Variants in BACH2 observed in about 807,000 individuals in gnomAD.
The protein encoded by BACH2 is BACH transcriptional regulator 2, also known as transcription regulator protein BACH2.
In BACH2, 5 loss-of-function variants were observed where a neutral mutation model predicts 61.8. The observed-to-expected ratio is 0.08, with a 90% confidence interval of 0.04 to 0.17. The LOEUF is 0.17. Among genes scored for constraint, BACH2 ranks in the 10% least tolerant of loss-of-function variants. BACH2 has a pLI of 1.00. For missense variants in BACH2, 824 were observed against 1,091.1 expected, an observed-to-expected ratio of 0.76 and a Z score of 3.45; for synonymous variants, 446 against 440.1, an observed-to-expected ratio of 1.01 and a Z score of -0.17.
chr6:90,064,520 T>G (rs1023914944), intron 5 of BACH2, among the ~76,000 whole-genome samples: 1 of 152,198 alleles, frequency 6.6e-6, no homozygotes, highest in African/African-American at 2.4e-5. Context: ...GTTAGGCTCC[T>G]GAGCAAGGAG....
chr6:90,004,644 G>A (rs1451604315), intron 6 of BACH2, among the ~76,000 whole-genome samples: 2 of 152,114 alleles, frequency 1.3e-5, no homozygotes, highest in African/African-American at 2.4e-5. Context: ...AACTTGACAC[G>A]CCATAAGACT....
At chr6:90,241,007 G>A (rs536080035) in intron 3 of BACH2, among the ~76,000 whole-genome samples, 24 of 151,730 alleles carry the variant, frequency 1.6e-4, no homozygotes, top group Admixed American at 2.6e-4. Context: ...GGTGGCGTGC[G>A]CCTGTAGTCT....
chr6:90,135,473 A>C (rs1208159601), intron 4 of BACH2, among the ~76,000 whole-genome samples: 1 of 152,154 alleles, frequency 6.6e-6, no homozygotes, highest in Non-Finnish European at 1.5e-5. Context: ...CGCACCTGTA[A>C]TCCCGGCACT....
intron 6 of BACH2, among the ~76,000 whole-genome samples, chr6:89,956,964 C>T (rs1584529448): frequency 6.6e-6 from 1 of 152,210 alleles, no homozygotes; most frequent in South Asian, 2.1e-4. Flanking sequence ...TTAATCACAA[C>T]TTCACAAAAA....
At chr6:90,201,815 G>A (rs1239154482) in intron 4 of BACH2, among the ~76,000 whole-genome samples, 6 of 152,168 alleles carry the variant, frequency 3.9e-5, no homozygotes, top group Non-Finnish European at 7.4e-5. Context: ...TCTGCCACAA[G>A]GAGGACCTGG....
At chr6:90,284,330 A>C (rs1014636271) in intron 1 of BACH2, among the ~76,000 whole-genome samples, 1 of 152,198 alleles carries the variant, frequency 6.6e-6, no homozygotes, top group Non-Finnish European at 1.5e-5. Context: ...CAGGTAGCAC[A>C]GTTCTTCCTG....
chr6:90,237,011 C>A (rs887313491), intron 3 of BACH2, among the ~76,000 whole-genome samples: 1 of 152,004 alleles, frequency 6.6e-6, no homozygotes, highest in African/African-American at 2.4e-5. Context: ...GCAACCTCCA[C>A]CTCCCAGGTT....
intron 3 of BACH2, among the ~76,000 whole-genome samples, chr6:90,229,880 A>G (rs1770039522): frequency 6.6e-6 from 1 of 152,202 alleles, no homozygotes; most frequent in South Asian, 2.1e-4. Flanking sequence ...TTGAGAGCCT[A>G]CAGCCTGGAT....
chr6:90,086,645 T>C (rs1363449954), intron 5 of BACH2, among the ~76,000 whole-genome samples: 2 of 152,120 alleles, frequency 1.3e-5, no homozygotes, highest in Non-Finnish European at 2.9e-5. Context: ...CCTGAAGCCA[T>C]GATTCACCTA....
intron 5 of BACH2, among the ~76,000 whole-genome samples, chr6:90,065,930 A>G (rs925599043): frequency 2.0e-5 from 3 of 152,234 alleles, no homozygotes; most frequent in Admixed American, 2.0e-4. Flanking sequence ...GATTTATAAA[A>G]GGGAAAAATC....
intron 5 of BACH2, among the ~76,000 whole-genome samples, chr6:90,065,536 G>A (rs929132980): frequency 3.9e-5 from 6 of 152,066 alleles, no homozygotes; most frequent in South Asian, 2.1e-4. Context: ...AGCCATAGAC[G>A]ATATGGGAGT....
In BACH2 at chr6:90,032,158, G is replaced by T. The variant is rs1463717113; in HGVS notation, c.-12-23302C>A. On this transcript the variant is annotated intron_variant, in intron 5 of 8. Transcript: ENST00000257749. ...TGGGAAAACTGGTTAGCCATATGTA[G>T]AAAGCTGAAACTGGATCCCTTCCTT... is the stretch of plus-strand genomic sequence containing the variant. Among the ~76,000 whole-genome samples the T allele has an allele frequency of 4.6e-5, 7 of 151,904 alleles. No individual in the cohort carries two copies. In the South Asian group the frequency reaches 6.2e-4, roughly 14 times the overall value.
At chr6:90,256,359 G>A (rs980022896) in intron 2 of BACH2, among the ~76,000 whole-genome samples, 2 of 152,134 alleles carry the variant, frequency 1.3e-5, no homozygotes, top group Non-Finnish European at 2.9e-5. Context: ...TAATTTCTAG[G>A]CCTACTCCAT....
At chr6:90,137,502 T>C (rs1461059491) in intron 4 of BACH2, among the ~76,000 whole-genome samples, 1 of 152,220 alleles carries the variant, frequency 6.6e-6, no homozygotes, top group East Asian at 1.9e-4. Context: ...GTTTCTCCGT[T>C]CTTTCCCAGA....
intron 7 of BACH2, among the ~76,000 whole-genome samples, chr6:89,947,399 C>T (rs557876963): frequency 6.6e-6 from 1 of 152,296 alleles, no homozygotes; most frequent in South Asian, 2.1e-4. Context: ...AACCTAACCT[C>T]CTCTACTCTA....
At chr6:90,280,487 C>T (rs1771825728) in intron 1 of BACH2, among the ~76,000 whole-genome samples, 1 of 152,258 alleles carries the variant, frequency 6.6e-6, no homozygotes, top group Non-Finnish European at 1.5e-5. Flanking sequence ...TTGATAATGT[C>T]ACCATATGAA....
chr6:90,060,571 T>A (rs1044124770), intron 5 of BACH2, among the ~76,000 whole-genome samples: 1 of 152,182 alleles, frequency 6.6e-6, no homozygotes, highest in Non-Finnish European at 1.5e-5. Flanking sequence ...TTTCTTTATA[T>A]AAGGTAGTCT....
At chr6:90,244,080 C>T (rs991409110) in intron 3 of BACH2, among the ~76,000 whole-genome samples, 1 of 152,108 alleles carries the variant, frequency 6.6e-6, no homozygotes. Context: ...TGCCACCACA[C>T]CCGGCTAATT....
intron 1 of BACH2, among the ~76,000 whole-genome samples, chr6:90,291,944 T>A (rs997503634): frequency 1.3e-5 from 2 of 152,230 alleles, no homozygotes; most frequent in East Asian, 3.8e-4. Context: ...TCGCTGAAAC[T>A]TCTTCAACAT....
Sources: allele counts gnomAD v4.1 joint callset (sites outside exome capture counted in the v4.1 genomes callset), GRCh38; gene constraint gnomAD v4.1.1; transcripts MANE v1.5; gene names NCBI Gene and HGNC (gene_info 2026-07-23, HGNC 2026-07-21).